SMYD3: variants seen among roughly 807,000 people sequenced by gnomAD.
SMYD3 encodes the protein histone-lysine N-methyltransferase SMYD3.
Under a neutral mutation model 57.7 loss-of-function variants are expected in SMYD3, and 36 were observed. The observed-to-expected ratio is 0.62, with a 90% CI of 0.48 to 0.82. The LOEUF (loss-of-function observed/expected upper bound fraction) is 0.82, where lower values mean the gene tolerates loss of function less well. Among genes scored for constraint, SMYD3 ranks in the 40% least tolerant of loss-of-function variants. SMYD3 has a pLI of 0.00. For missense variants in SMYD3, 515 were observed against 538.8 expected, an observed-to-expected ratio of 0.96 and a Z score of 0.44; for synonymous variants, 211 against 195.0, an observed-to-expected ratio of 1.08 and a Z score of -0.68.
At chr1:245,830,948 G>A (rs2049800214) in intron 10 of SMYD3, among the ~76,000 whole-genome samples, 2 of 152,092 alleles carry the variant, frequency 1.3e-5, no homozygotes, top group South Asian at 2.1e-4. Context: ...CTTGCCAGCT[G>A]GTCCTGCCCC....
intron 1 of SMYD3, among the ~76,000 whole-genome samples, chr1:246,383,000 C>T (rs1359263785): frequency 6.6e-6 from 1 of 152,038 alleles, no homozygotes; most frequent in Non-Finnish European, 1.5e-5. Flanking sequence ...CAGGTTTCCC[C>T]CATGGACCCG....
chr1:246,458,767 G>T (rs2067746457), intron 1 of SMYD3, among the ~76,000 whole-genome samples: 1 of 151,778 alleles, frequency 6.6e-6, no homozygotes, highest in South Asian at 2.1e-4. Flanking sequence ...CGCCCGGCCG[G>T]AAAAGTCATT....
At chr1:246,101,941 G>A (rs1234127420) in intron 5 of SMYD3, among the ~76,000 whole-genome samples, 2 of 152,072 alleles carry the variant, frequency 1.3e-5, no homozygotes, top group Non-Finnish European at 2.9e-5. Context: ...CTCTTTGTTC[G>A]GCCTACGTAA....
intron 2 of SMYD3, among the ~76,000 whole-genome samples, chr1:246,345,223 C>A (rs891015521): frequency 6.6e-5 from 10 of 152,182 alleles, no homozygotes; most frequent in African/African-American, 2.2e-4. Context: ...GCTTATTGAA[C>A]CTAAATCTTA....
chr1:246,078,735 GA>G (rs1388182414), intron 5 of SMYD3, among the ~76,000 whole-genome samples: 1 of 152,116 alleles, frequency 6.6e-6, no homozygotes, highest in Non-Finnish European at 1.5e-5. Flanking sequence ...TGTGGCTGAA[GA>G]AAAACACCTA....
intron 5 of SMYD3, among the ~76,000 whole-genome samples, chr1:246,129,404 TAAA>T (rs60507407): frequency 7.0e-6 from 1 of 142,444 alleles, no homozygotes. Context: ...TCAAATACAG[TAAA>T]AAAAAAAAAA....
intron 5 of SMYD3, among the ~76,000 whole-genome samples, chr1:245,995,057 C>T (rs2050693): frequency 0.12 from 18,348 of 152,028 alleles, 1,518 homozygotes; most frequent in East Asian, 0.44. Context: ...TGCGCCACTG[C>T]ACTCCAGCCT....
At chr1:246,455,578 T>G (rs10924734) in intron 1 of SMYD3, among the ~76,000 whole-genome samples, 24,170 of 152,204 alleles carry the variant, frequency 0.16, 2,467 homozygotes, top group East Asian at 0.44. Flanking sequence ...AGCCAGATAC[T>G]ATAGAAAAGC....
intron 10 of SMYD3, among the ~76,000 whole-genome samples, chr1:245,799,382 C>G (rs1268395765): frequency 4.8e-5 from 7 of 144,984 alleles, no homozygotes; most frequent in Non-Finnish European, 9.1e-5. Context: ...GTGTAGGACC[C>G]CAAAAACTGG....
intron 5 of SMYD3, among the ~76,000 whole-genome samples, chr1:246,030,281 C>T (rs2148259346): frequency 6.6e-6 from 1 of 152,082 alleles, no homozygotes. Context: ...AGGAATGAGC[C>T]CGAAGGACAT....
chr1:246,242,401 TTGAG>T (rs1553317794), intron 5 of SMYD3, among the ~76,000 whole-genome samples: 1 of 152,208 alleles, frequency 6.6e-6, no homozygotes, highest in Non-Finnish European at 1.5e-5. Context: ...TTGAGCGGTT[TTGAG>T]TGAGTTTCTT....
intron 1 of SMYD3, among the ~76,000 whole-genome samples, chr1:246,398,603 G>C (rs1295099339): frequency 6.6e-6 from 1 of 152,206 alleles, no homozygotes; most frequent in Non-Finnish European, 1.5e-5. Flanking sequence ...ACAAGGAAAA[G>C]CATGTACAAT....
intron 10 of SMYD3, among the ~76,000 whole-genome samples, chr1:245,789,968 G>A (rs771548897): frequency 2.6e-5 from 4 of 152,132 alleles, no homozygotes; most frequent in African/African-American, 7.2e-5. Flanking sequence ...CACATTTACT[G>A]AGCACCCATT....
chr1:245,915,367 C>A (rs1291352983), intron 8 of SMYD3, among the ~76,000 whole-genome samples, 163 bp downstream of exon 8: 1 of 152,150 alleles, frequency 6.6e-6, no homozygotes, highest in Non-Finnish European at 1.5e-5. Flanking sequence ...ACAAAAGTTC[C>A]AGGAAACAAA....
Position 245,867,275 on chromosome 1 carries a change from A to C in SMYD3, c.814-3389T>G, listed in dbSNP as rs186956792. On this transcript the variant is annotated intron_variant, in intron 8 of 11. Transcript: ENST00000490107. Reference sequence around the variant, plus strand: ...CAGTCCCCTGGAGTTTCCAGAAAGGAAGGCAGCCTTGCCCACACCTTGATT... The same window carrying C: ...CAGTCCCCTGGAGTTTCCAGAAAGGCAGGCAGCCTTGCCCACACCTTGATT... Among the ~76,000 whole-genome samples the C allele has an allele frequency of 2.9e-4, 44 of 152,318 alleles. No individual in the cohort carries two copies. The East Asian group carries it at 7.5e-3, about 26-fold the overall frequency.
chr1:246,391,853 C>T (rs1301157184), intron 1 of SMYD3, among the ~76,000 whole-genome samples: 2 of 152,152 alleles, frequency 1.3e-5, no homozygotes, highest in Admixed American at 6.5e-5. Context: ...ATCAGCACAA[C>T]CCATGGCAGC....
chr1:245,912,643 G>C (rs2055081215), intron 8 of SMYD3, among the ~76,000 whole-genome samples: 1 of 152,014 alleles, frequency 6.6e-6, no homozygotes, highest in Admixed American at 6.6e-5. Context: ...ACATGGAATT[G>C]GTATAAAAAC....
rs144786152 is a variant in SMYD3, at chr1:246,408,925, C to G, written c.165-53831G>C. On this transcript the variant is annotated intron_variant, in intron 1 of 11. Coordinates refer to ENST00000490107, the MANE Select transcript of SMYD3 (RefSeq NM_001167740.2). ...CCTCAAATGATCTGCCCGCTTCGGT[C>G]TCCCAAAGTGTTGGGATTACAGGCG... Among the ~76,000 whole-genome samples the G allele has an allele frequency of 1.3e-3, 202 of 152,304 alleles. 2 individuals are homozygous for G. In the East Asian group the frequency reaches 0.038, roughly 28 times the overall value.
At chr1:245,864,879 C>G (rs751860168) in intron 8 of SMYD3, among the ~76,000 whole-genome samples, 1 of 152,176 alleles carries the variant, frequency 6.6e-6, no homozygotes, top group African/African-American at 2.4e-5. Flanking sequence ...CAACTACACC[C>G]ATGTGACCCA....
Sources: gnomAD v4.1 joint callset for allele counts (sites outside exome capture counted in the v4.1 genomes callset) on GRCh38, gnomAD v4.1.1 for gene constraint, MANE v1.5 for transcripts, NCBI Gene and HGNC (gene_info 2026-07-23, HGNC 2026-07-21) for gene names.